The following STUM variants were observed in gnomAD, a reference collection of about 807,000 sequenced individuals.
STUM encodes the protein protein stum homolog.
STUM carries 8 observed loss-of-function variants against 15.3 expected under a neutral mutation model. The ratio of observed to expected loss-of-function variants is 0.52; its 90% CI spans 0.31 to 0.94. STUM has a LOEUF of 0.94. Ranked by LOEUF, STUM falls within the 40% of genes least tolerant of loss-of-function variation. STUM has a pLI of 0.05. For synonymous variants in STUM, 78 were observed against 88.7 expected, an observed-to-expected ratio of 0.88 and a Z score of 0.68; for missense variants, 142 against 204.9, an observed-to-expected ratio of 0.69 and a Z score of 1.87.
intron 1 of STUM, among the ~76,000 whole-genome samples, chr1:226,563,681 C>G (rs1558278942): frequency 6.6e-6 from 1 of 152,202 alleles, no homozygotes; most frequent in Non-Finnish European, 1.5e-5. Context: ...CTTCGTTATT[C>G]CTCTTTTTGA....
intron 1 of STUM, among the ~76,000 whole-genome samples, chr1:226,594,949 C>T (rs1286918013): frequency 6.6e-6 from 1 of 152,240 alleles, no homozygotes; most frequent in Non-Finnish European, 1.5e-5. Flanking sequence ...AGCCACTGCG[C>T]CGAGCCCTGG....
At chr1:226,597,052 T>C in intron 2 of STUM, 71 bp downstream of exon 2, 1 of 1,451,966 alleles carries the variant, frequency 6.9e-7, no homozygotes, top group Non-Finnish European at 9.7e-7. Context: ...TTGGGAGACC[T>C]TCATGTCTGG....
At chr1:226,574,176 T>C (rs1308526040) in intron 1 of STUM, among the ~76,000 whole-genome samples, 1 of 152,198 alleles carries the variant, frequency 6.6e-6, no homozygotes, top group Admixed American at 6.5e-5. Flanking sequence ...ATGCCATATA[T>C]TAGATCTCTA....
At position 226,567,984 on chromosome 1, in the gene STUM, C is replaced by T. The variant is rs1235970304; in HGVS notation, c.202+18878C>T. The stretch of plus-strand genomic sequence containing the variant: ...AGCACTGATCTCCATTCCTTGGAAG[C>T]CAAACCTGAGACACCCGGGAGAGGT... On this transcript the variant is annotated intron_variant, in intron 1 of 3. Coordinates refer to ENST00000366788, the MANE Select transcript of STUM (RefSeq NM_001003665.4). This position sits in a 1 kb window ranked among gnomAD's most constrained non-coding sequence, Gnocchi z 4.5. 6.6e-6 allele frequency among the ~76,000 whole-genome samples: 1 copy of T among 152,208 alleles called. No homozygotes were observed. Among genetic ancestry groups the T allele is most frequent in the Non-Finnish European group, 1.5e-5 (1 of 68,042 alleles).
At chr1:226,598,799 C>A (rs1283223301) in intron 2 of STUM, among the ~76,000 whole-genome samples, 1 of 152,198 alleles carries the variant, frequency 6.6e-6, no homozygotes, top group Non-Finnish European at 1.5e-5. Flanking sequence ...TGGTTGTCTG[C>A]ACACTGTTTC....
chr1:226,593,928 G>A (rs1372636283), intron 1 of STUM, among the ~76,000 whole-genome samples: 1 of 152,194 alleles, frequency 6.6e-6, no homozygotes, highest in Non-Finnish European at 1.5e-5. Context: ...AAATGCCACA[G>A]GCGATGAGGC....
chr1:226,557,852 A>T (rs758652518), intron 1 of STUM, among the ~76,000 whole-genome samples: 39 of 152,260 alleles, frequency 2.6e-4, no homozygotes, highest in Non-Finnish European at 5.4e-4. Context: ...AATAAATGTG[A>T]TACATCACAT....
chr1:226,578,150 C>G (rs905493948), intron 1 of STUM, among the ~76,000 whole-genome samples: 2 of 152,094 alleles, frequency 1.3e-5, no homozygotes, highest in Non-Finnish European at 2.9e-5. Context: ...AATATCTCAC[C>G]ATCTTGCTTC....
At chr1:226,571,139 G>A (rs1361431666) in intron 1 of STUM, among the ~76,000 whole-genome samples, 1 of 152,142 alleles carries the variant, frequency 6.6e-6, no homozygotes, top group African/African-American at 2.4e-5. Flanking sequence ...GCTGAGGCAG[G>A]AGATTTGCTT....
rs1668049607 is a variant in STUM at position 226,589,412 on chromosome 1, A to G, written c.203-7390A>G. On this transcript the variant is annotated intron_variant, in intron 1 of 3. Coordinates refer to ENST00000366788, the MANE Select transcript of STUM (RefSeq NM_001003665.4). ...GGGCTCCCAGGACGGAAGTGGAGGG[A>G]CCCTTTTCTCTCCCTACTGCCTTGT... 5.9e-5 allele frequency among the ~76,000 whole-genome samples: 9 copies of G among 152,110 alleles called. No individual in the cohort carries two copies. In the South Asian group the frequency reaches 1.9e-3, roughly 32 times the overall value.
chr1:226,566,961 G>A (rs1242543015), intron 1 of STUM, among the ~76,000 whole-genome samples: 1 of 152,220 alleles, frequency 6.6e-6, no homozygotes, highest in Non-Finnish European at 1.5e-5. Context: ...GGGAAGGTAG[G>A]TGGTGAATTT....
rs1201312478 is a variant in STUM, at chr1:226,607,174, G to C, written c.*5134G>C. On this transcript the variant is annotated 3_prime_UTR_variant, in exon 4 of 4. Transcript: ENST00000366788. ...AAAAAAGCTCAGCCTGAGCAGGTGG[G>C]TGCAAGGCTCAGGGGCCTGTGTTTT... 6.6e-6 allele frequency: 1 copy of C among 152,278 alleles called. No homozygotes were observed. The highest frequency in any genetic ancestry group is 2.4e-5 in the African/African-American group (1 of 41,458). The allele number at this position is 152,278 out of a possible 1,614,324, so 9.4% of individuals were successfully genotyped here.
In STUM at chr1:226,549,022, G is replaced by T; in HGVS notation, c.118G>T (p.Gly40Cys). ...GGTGGTGCAGGTCCGCGAGAAGAAG[G>T]GCCCCCTGCGCGCCGCCATCCCCTA... Reference protein sequence around the residue: ...GVVVQVREKKGPLRAAIPYMP... With the variant: ...GVVVQVREKKCPLRAAIPYMP... Residue 40 changes from glycine to cysteine, a missense_variant, in exon 1 of 4, where the codon GGC (glycine) becomes TGC (cysteine). Physicochemically the swap from Gly to Cys is radical, Grantham distance 159 (BLOSUM62 -3). Transcript: ENST00000366788. This position sits in a 1 kb window ranked among gnomAD's most constrained non-coding sequence, Gnocchi z 6.8. 1 of 1,582,146 alleles carries T rather than the reference G, an allele frequency of 6.3e-7. No individual in the cohort carries two copies. The highest frequency in any genetic ancestry group is 2.4e-5 in the East Asian group (1 of 40,842).
chr1:226,573,790 A>G (rs187412672), intron 1 of STUM, among the ~76,000 whole-genome samples: 2 of 152,224 alleles, frequency 1.3e-5, no homozygotes, highest in African/African-American at 2.4e-5. Context: ...GTATGTGGTA[A>G]GAGCACCTGA....
In STUM at chr1:226,608,504, A is replaced by C. The variant is rs1365320299; in HGVS notation, c.*6464A>C. ...TTCTGTGTGTATCAACTTAATTTGC[A>C]TATGAATGAGTGTTGTGTTGTGATT... On this transcript the variant is annotated 3_prime_UTR_variant, in exon 4 of 4. Coordinates refer to ENST00000366788, the MANE Select transcript of STUM (RefSeq NM_001003665.4). This position sits in a 1 kb window ranked among gnomAD's most constrained non-coding sequence, Gnocchi z 4.0. 3 of 152,090 alleles carry C rather than the reference A, an allele frequency of 2.0e-5. No homozygotes were observed. Among genetic ancestry groups the C allele is most frequent in the Non-Finnish European group, 4.4e-5 (3 of 68,028 alleles). The allele number at this position is 152,090 out of a possible 1,614,324, so 9.4% of individuals were successfully genotyped here. A position where few individuals can be genotyped will look rare whatever the true frequency, so the allele number is the denominator to read the frequency against.
chr1:226,571,449 A>G (rs918735155), intron 1 of STUM, among the ~76,000 whole-genome samples: 15 of 152,136 alleles, frequency 9.9e-5, no homozygotes, highest in Admixed American at 2.0e-4. Flanking sequence ...CTATTTGGTG[A>G]TGAAGACCAG....
chr1:226,600,212 T>C lies in STUM; in HGVS notation c.383-454T>C, dbSNP rs1055419940. Among the ~76,000 whole-genome samples, 1 of 151,852 alleles carries C rather than the reference T, an allele frequency of 6.6e-6. No individual in the cohort carries two copies. The highest frequency in any genetic ancestry group is 1.5e-5 in the Non-Finnish European group (1 of 68,008). ...ATGTTGGGAGACTGAGGCAGGAGGA[T>C]CACTTGAGACCAGGAGTTTGAGGCT... On this transcript the variant is annotated intron_variant, in intron 2 of 3. Transcript: ENST00000366788. This position sits in a 1 kb window ranked among gnomAD's most constrained non-coding sequence, Gnocchi z 5.2.
Position 226,548,833 on chromosome 1 carries a change from C to T in STUM, c.-72C>T. On this transcript the variant is annotated 5_prime_UTR_variant, in exon 1 of 4. Transcript: ENST00000366788. Reference sequence around the variant, plus strand: ...CGCGGAGCCCGGAGCCCGCAGCCGACAGTCTCCTGCTCCCGTACGCTGGGC... The same window carrying T: ...CGCGGAGCCCGGAGCCCGCAGCCGATAGTCTCCTGCTCCCGTACGCTGGGC... The T allele has an allele frequency of 3.4e-6, 4 of 1,181,684 alleles. No homozygotes were observed. Among genetic ancestry groups the T allele is most frequent in the Non-Finnish European group, 4.3e-6 (4 of 939,654 alleles). The allele number at this position is 1,181,684 out of a possible 1,614,324, so 73.2% of individuals were successfully genotyped here.
chr1:226,556,087 T>C (rs545770736), intron 1 of STUM, among the ~76,000 whole-genome samples: 1 of 152,366 alleles, frequency 6.6e-6, no homozygotes, highest in South Asian at 2.1e-4. Context: ...ACCTGTCCCA[T>C]TTCAAGGGTA....
Sources: allele counts gnomAD v4.1 joint callset (sites outside exome capture counted in the v4.1 genomes callset), GRCh38; gene constraint gnomAD v4.1.1; non-coding constraint Gnocchi (gnomAD v3.1); transcripts MANE v1.5; gene names NCBI Gene and HGNC (gene_info 2026-07-23, HGNC 2026-07-21).